RAPGEF1: variants seen among roughly 807,000 people sequenced by gnomAD.
The protein encoded by RAPGEF1 is CRK SH3-binding GNRP.
RAPGEF1 carries 33 observed loss-of-function variants against 143.3 expected under a neutral mutation model. That is an observed-to-expected ratio of 0.23 (90% confidence interval 0.17 to 0.31). The LOEUF (loss-of-function observed/expected upper bound fraction) is 0.31, where lower values mean the gene tolerates loss of function less well. Among genes scored for constraint, RAPGEF1 ranks in the 10% least tolerant of loss-of-function variants. The probability of loss-of-function intolerance (pLI) is 1.00; values close to 1 mark genes in which losing one functional copy is unlikely to be tolerated. For synonymous variants in RAPGEF1, 629 were observed against 676.5 expected (o/e 0.93, Z 1.09); for missense variants, 1,199 against 1,645.4 (o/e 0.73, Z 4.69).
At chr9:131,632,409 G>T (rs919040087) in intron 5 of RAPGEF1, among the ~76,000 whole-genome samples, 1 of 151,398 alleles carries the variant, frequency 6.6e-6, no homozygotes, top group Non-Finnish European at 1.5e-5. Flanking sequence ...TTACAGGCGT[G>T]AGCCACCGCG....
chr9:131,628,065 C>T lies in RAPGEF1; in HGVS notation c.1049G>A (p.Arg350Gln), dbSNP rs1301505486. ...DFDVDCYAQR[R>Q]LSGGSHSYGG... ...ATATGAGTGGCTGCCTCCTGACAGTCGCCTCTGTGCGTAACAGTCAACATC... is the reference window on the plus strand; with the variant it reads ...ATATGAGTGGCTGCCTCCTGACAGTTGCCTCTGTGCGTAACAGTCAACATC... The change falls in exon 9 of 27, where the codon CGA becomes CAA. Residue 350 changes from arginine to glutamine, a missense_variant. Coordinates refer to ENST00000683357, the MANE Select transcript of RAPGEF1 (RefSeq NM_001377935.1). This position sits in a 1 kb window ranked among gnomAD's most constrained non-coding sequence, Gnocchi z 5.7. 5.1e-6 allele frequency: 8 copies of T among 1,568,786 alleles called. No homozygotes were observed. The highest frequency in any genetic ancestry group is 2.3e-5 in the East Asian group (1 of 42,886).
chr9:131,651,415 G>T (rs1228424502), intron 1 of RAPGEF1, among the ~76,000 whole-genome samples: 2 of 152,194 alleles, frequency 1.3e-5, no homozygotes, highest in African/African-American at 4.8e-5. Context: ...CAGAAGTAAG[G>T]TGTTCAAAAT....
At chr9:131,688,463 T>G in intron 1 of RAPGEF1, among the ~76,000 whole-genome samples, 1 of 152,342 alleles carries the variant, frequency 6.6e-6, no homozygotes, top group Admixed American at 6.5e-5. Context: ...ACTCACTTTA[T>G]ACTGCTAAAT....
intron 1 of RAPGEF1, among the ~76,000 whole-genome samples, chr9:131,660,453 T>TA (rs1973729585): frequency 6.6e-6 from 1 of 151,540 alleles, no homozygotes; most frequent in African/African-American, 2.4e-5. Flanking sequence ...TTTTTTTTTT[T>TA]AAACAACAAG....
chr9:131,590,135 T>C (rs1178373962), intron 18 of RAPGEF1, among the ~76,000 whole-genome samples, 157 bp from the exon 19 acceptor site: 4 of 151,980 alleles, frequency 2.6e-5, no homozygotes, highest in Non-Finnish European at 5.9e-5. Flanking sequence ...ACTAGCGCAG[T>C]GGAACAACTG....
intron 19 of RAPGEF1, 98 bp from the exon 20 acceptor site, chr9:131,589,084 C>G (rs1038436470): frequency 1.7e-6 from 2 of 1,166,954 alleles, no homozygotes; most frequent in Non-Finnish European, 2.4e-6. Context: ...GGGCTGTGAC[C>G]GGCACAGAGC....
rs1588371651 is a variant in RAPGEF1, at chr9:131,604,859, A to T, written c.2319+72T>A. On this transcript the variant is annotated intron_variant, in intron 13 of 26. Transcript: ENST00000683357. ...TTTCAGGAACGTGAAACCGCTTTTT[A>T]AAAAACGTGCAGCCCCATGTGCAGG... 2.5e-6 allele frequency: 3 copies of T among 1,217,762 alleles called. No homozygotes were observed. The East Asian group carries it at 1.8e-4, about 75-fold the overall frequency. 75.4% of individuals were successfully genotyped at this position (1,217,762 alleles called of 1,614,324 possible).
intron 1 of RAPGEF1, among the ~76,000 whole-genome samples, chr9:131,669,012 G>A (rs375390368): frequency 2.6e-5 from 4 of 152,314 alleles, no homozygotes; most frequent in South Asian, 4.1e-4. Flanking sequence ...TGCCGGGGCC[G>A]CAGCCTCCTG....
At position 131,578,973 on chromosome 9, in the gene RAPGEF1, A is replaced by C. The variant is rs1475750444; in HGVS notation, c.*524T>G. On this transcript the variant is annotated 3_prime_UTR_variant, in exon 27 of 27. Transcript: ENST00000683357. ...CATCAGAAGGGGAAGCGGAAAGTGAAAGGATCCTCCCCCGAGTCTACTCTG... is the reference window on the plus strand; with the variant it reads ...CATCAGAAGGGGAAGCGGAAAGTGACAGGATCCTCCCCCGAGTCTACTCTG... The C allele has an allele frequency of 6.5e-6, 1 of 153,774 alleles. No individual in the cohort carries two copies. Among genetic ancestry groups the C allele is most frequent in the Non-Finnish European group, 1.4e-5 (1 of 69,142 alleles). The allele number at this position is 153,774 out of a possible 1,614,324, so 9.5% of individuals were successfully genotyped here. A position where few individuals can be genotyped will look rare whatever the true frequency, so the allele number is the denominator to read the frequency against.
rs529899559 is a variant in RAPGEF1 at position 131,608,010 on chromosome 9, G to A, written c.2062-2822C>T. On this transcript the variant is annotated intron_variant, in intron 12 of 26. Transcript: ENST00000683357. Reference sequence around the variant, plus strand: ...CAGCATGGTGCCTCTTCCGGGAGACGGCACAGGGCAGCGGCTGACTGCAAG... The same window carrying A: ...CAGCATGGTGCCTCTTCCGGGAGACAGCACAGGGCAGCGGCTGACTGCAAG... Among the ~76,000 whole-genome samples, 46 of 152,226 alleles carry A rather than the reference G, an allele frequency of 3.0e-4. 1 individual carries two copies. Among genetic ancestry groups the A allele is most frequent in the Non-Finnish European group, 6.2e-4 (42 of 68,040 alleles).
intron 18 of RAPGEF1, among the ~76,000 whole-genome samples, chr9:131,591,850 A>G (rs1185864645): frequency 6.6e-6 from 1 of 152,182 alleles, no homozygotes; most frequent in East Asian, 1.9e-4. Context: ...TTCCCAGACT[A>G]TGTTCCAGCC....
At chr9:131,596,461 C>T (rs1472516658) in intron 16 of RAPGEF1, 88 bp from the exon 17 acceptor site, 9 of 1,335,964 alleles carry the variant, frequency 6.7e-6, no homozygotes, top group Admixed American at 1.8e-5. Flanking sequence ...AATGAGATGA[C>T]AAAATGCCCT....
chr9:131,677,138 CAGGGGAACTT>C (rs1303802070), intron 1 of RAPGEF1, among the ~76,000 whole-genome samples: 1 of 152,210 alleles, frequency 6.6e-6, no homozygotes, highest in Non-Finnish European at 1.5e-5. Context: ...CTGGGGACAC[CAGGGGAACTT>C]ACACGTCTGC....
In RAPGEF1 at chr9:131,585,372, C is replaced by T. The variant is rs1356357389; in HGVS notation, c.3234-776G>A. ...ATTTTAATTTTTTGTAGGGGGGGGG[C>T]GTCTCTCTATGTTGTCCAGGCTGGT... On this transcript the variant is annotated intron_variant, in intron 22 of 26. Coordinates refer to ENST00000683357, the MANE Select transcript of RAPGEF1 (RefSeq NM_001377935.1). 7.4e-5 allele frequency among the ~76,000 whole-genome samples: 11 copies of T among 149,616 alleles called. 1 individual carries two copies. The highest frequency in any genetic ancestry group is 4.2e-4 in the South Asian group (2 of 4,720).
intron 1 of RAPGEF1, among the ~76,000 whole-genome samples, chr9:131,680,361 GGAGGA>G (rs1175856155): frequency 3.9e-5 from 6 of 152,198 alleles, no homozygotes; most frequent in African/African-American, 1.2e-4. Context: ...TGCAATTGAA[GGAGGA>G]GAGGAGTGTT....
At chr9:131,581,042 T>C (rs1238739304) in intron 25 of RAPGEF1, among the ~76,000 whole-genome samples, 1 of 151,950 alleles carries the variant, frequency 6.6e-6, no homozygotes, top group Non-Finnish European at 1.5e-5. Flanking sequence ...CTCGGGAGGC[T>C]GAGGCAGGAG....
rs371966006 is a variant in RAPGEF1, at chr9:131,654,479, G to A, written c.62-3530C>T. ...TAATTCCAGCACTTTGGGAGGCTGG[G>A]GCGGGAGGATCACTTGAGCCCAGGA... On this transcript the variant is annotated intron_variant, in intron 1 of 26. Transcript: ENST00000683357. 7.2e-5 allele frequency among the ~76,000 whole-genome samples: 11 copies of A among 152,190 alleles called. 1 individual carries two copies. The East Asian group carries it at 1.2e-3, about 16-fold the overall frequency.
In RAPGEF1 at chr9:131,650,490, G is replaced by A. The variant is rs1353937141; in HGVS notation, c.202-248C>T. On this transcript the variant is annotated intron_variant, in intron 2 of 26. Transcript: ENST00000683357. This position sits in a 1 kb window ranked among gnomAD's most constrained non-coding sequence, Gnocchi z 4.7. ...TTCCCTGTGTTTGAGTGTGCGCCAAGGCAACGTAGGGAACTGCAGGGCAGG... is the reference window on the plus strand; with the variant it reads ...TTCCCTGTGTTTGAGTGTGCGCCAAAGCAACGTAGGGAACTGCAGGGCAGG... 6.6e-6 allele frequency among the ~76,000 whole-genome samples: 1 copy of A among 152,128 alleles called. No homozygotes were observed. Among genetic ancestry groups the A allele is most frequent in the Non-Finnish European group, 1.5e-5 (1 of 67,966 alleles).
intron 1 of RAPGEF1, among the ~76,000 whole-genome samples, chr9:131,704,938 G>C (rs764326394): frequency 5.9e-5 from 9 of 152,108 alleles, no homozygotes; most frequent in Non-Finnish European, 1.3e-4. Flanking sequence ...TCTTTAGGAG[G>C]GGCTTTTGTG....
Sources: allele counts gnomAD v4.1 joint callset (sites outside exome capture counted in the v4.1 genomes callset), GRCh38; gene constraint gnomAD v4.1.1; non-coding constraint Gnocchi (gnomAD v3.1); transcripts MANE v1.5; gene names NCBI Gene and HGNC (gene_info 2026-07-23, HGNC 2026-07-21).